TCERG1L: variants seen among roughly 807,000 people sequenced by gnomAD.
TCERG1L encodes the protein transcription elongation regulator 1 like, also known as transcription elongation regulator 1-like protein.
A neutral mutation model predicts 56.3 loss-of-function variants in TCERG1L; 37 were observed. The ratio of observed to expected loss-of-function variants is 0.66; its 90% confidence interval spans 0.51 to 0.87. The LOEUF (loss-of-function observed/expected upper bound fraction) is 0.87, where lower values mean the gene tolerates loss of function less well. TCERG1L is among the 40% of genes least tolerant of loss of function. The probability of loss-of-function intolerance (pLI) is 0.00; values close to 1 mark genes in which losing one functional copy is unlikely to be tolerated. For synonymous variants in TCERG1L, 324 were observed against 326.3 expected (o/e 0.99, Z 0.08); for missense variants, 799 against 774.2 (o/e 1.03, Z -0.38).
At position 131,260,794 on chromosome 10, in the gene TCERG1L, G is replaced by A. The variant is rs1846230480; in HGVS notation, c.671-350C>T. Reference sequence around the variant, plus strand: ...TAAGTACCTAATCAGAAGTGACCATGAACAGCACTCAGTGATTTGGAGCAG... The same window carrying A: ...TAAGTACCTAATCAGAAGTGACCATAAACAGCACTCAGTGATTTGGAGCAG... On this transcript the variant is annotated intron_variant, in intron 3 of 11. Transcript: ENST00000368642. The surrounding 1 kb of genome is among the most constrained non-coding windows in gnomAD (Gnocchi z 5.8). Among the ~76,000 whole-genome samples the A allele has an allele frequency of 6.6e-6, 1 of 152,176 alleles. No individual in the cohort carries two copies. Among genetic ancestry groups the A allele is most frequent in the African/African-American group, 2.4e-5 (1 of 41,450 alleles).
At chr10:131,308,518 A>G in intron 2 of TCERG1L, 127 bp from the exon 3 acceptor site, 1 of 756,716 alleles carries the variant, frequency 1.3e-6, no homozygotes, top group Non-Finnish European at 2.1e-6. Flanking sequence ...TGGGGACTCT[A>G]TAAAACCATC....
chr10:131,306,378 A>G (rs1480365216), intron 3 of TCERG1L, among the ~76,000 whole-genome samples: 2 of 151,990 alleles, frequency 1.3e-5, no homozygotes, highest in Non-Finnish European at 2.9e-5. Flanking sequence ...CCCAAAACAT[A>G]ATTAAAATTG....
chr10:131,218,515 CAG>C (rs1456422889), intron 4 of TCERG1L, among the ~76,000 whole-genome samples: 3 of 146,692 alleles, frequency 2.0e-5, no homozygotes, highest in Admixed American at 6.9e-5. Context: ...TTATTTGAGA[CAG>C]AGTTTCGTTC....
At chr10:131,246,467 A>G (rs1846038616) in intron 4 of TCERG1L, among the ~76,000 whole-genome samples, 1 of 152,134 alleles carries the variant, frequency 6.6e-6, no homozygotes, top group Non-Finnish European at 1.5e-5. Context: ...CAGGCCCCAC[A>G]TGACTGGGAC....
chr10:131,288,735 G>T (rs1846574354), intron 3 of TCERG1L, among the ~76,000 whole-genome samples: 1 of 152,252 alleles, frequency 6.6e-6, no homozygotes, highest in Non-Finnish European at 1.5e-5. Flanking sequence ...GCCACGCAGA[G>T]ACCCACAGAG....
intron 9 of TCERG1L, among the ~76,000 whole-genome samples, chr10:131,112,177 C>G (rs1845418675): frequency 7.0e-6 from 1 of 143,086 alleles, no homozygotes; most frequent in African/African-American, 2.5e-5. Flanking sequence ...TCCCTGGGGC[C>G]TGAGCCCAGG....
chr10:131,115,904 C>A (rs897831140), intron 9 of TCERG1L, among the ~76,000 whole-genome samples: 8 of 152,210 alleles, frequency 5.3e-5, no homozygotes, highest in South Asian at 2.1e-4. Flanking sequence ...GGCAGCTCCA[C>A]CCCTGCCCCC....
chr10:131,136,646 C>T (rs1486001409), intron 7 of TCERG1L, among the ~76,000 whole-genome samples: 2 of 152,062 alleles, frequency 1.3e-5, no homozygotes, highest in Non-Finnish European at 2.9e-5. Context: ...CAGGCACCCG[C>T]CACCACACCA....
In TCERG1L at chr10:131,287,294, C is replaced by T. The variant is rs1301078017; in HGVS notation, c.670+20917G>A. On this transcript the variant is annotated intron_variant, in intron 3 of 11. Transcript: ENST00000368642. ...TCCATACTTATTTTCTTAATAGTCT[C>T]AACACTAACACAGTGATTCTGTATC... is the stretch of plus-strand genomic sequence containing the variant. Among the ~76,000 whole-genome samples, 3 of 152,156 alleles carry T rather than the reference C, an allele frequency of 2.0e-5. No individual in the cohort carries two copies. In the East Asian group the frequency reaches 5.8e-4, roughly 29 times the overall value.
At chr10:131,207,975 A>G (rs1845561254) in intron 4 of TCERG1L, among the ~76,000 whole-genome samples, 1 of 152,230 alleles carries the variant, frequency 6.6e-6, no homozygotes, top group African/African-American at 2.4e-5. Flanking sequence ...GAGGGAGTCA[A>G]GGTTCCCCGA....
intron 4 of TCERG1L, among the ~76,000 whole-genome samples, chr10:131,205,568 T>C (rs1441139533): frequency 6.6e-6 from 1 of 152,206 alleles, no homozygotes; most frequent in Non-Finnish European, 1.5e-5. Flanking sequence ...AAAATGCTTC[T>C]CTTAAGTAGC....
chr10:131,146,663 G>GT lies in TCERG1L; in HGVS notation c.1035-4dup. 1 of 1,606,710 alleles carries GT rather than the reference G, an allele frequency of 6.2e-7. No homozygotes were observed. Among genetic ancestry groups the GT allele is most frequent in the Non-Finnish European group, 8.5e-7 (1 of 1,176,106 alleles). On this transcript the variant is annotated splice_region_variant and splice_polypyrimidine_tract_variant and intron_variant, in intron 6 of 11. Transcript: ENST00000368642. ...CATCGCCCGTCCAGACCACACACCT[G>GT]TTTGAGTGGAAAAACTCATCTCAGT...
chr10:131,118,972 A>T lies in TCERG1L; in HGVS notation c.1260-2038T>A, dbSNP rs1035064375. ...TGTGAAATGTCCTGCAATGCACAGG[A>T]CAGCCCCCACCACGCAGGCTCATGT... is the stretch of plus-strand genomic sequence containing the variant. On this transcript the variant is annotated intron_variant, in intron 8 of 11. Coordinates refer to ENST00000368642, the MANE Select transcript of TCERG1L (RefSeq NM_174937.4). This position sits in a 1 kb window ranked among gnomAD's most constrained non-coding sequence, Gnocchi z 4.2. Among the ~76,000 whole-genome samples, 1 of 152,148 alleles carries T rather than the reference A, an allele frequency of 6.6e-6. No individual in the cohort carries two copies. Among genetic ancestry groups the T allele is most frequent in the Non-Finnish European group, 1.5e-5 (1 of 68,028 alleles).
chr10:131,155,484 A>G (rs1001997483), intron 6 of TCERG1L, among the ~76,000 whole-genome samples: 1 of 152,298 alleles, frequency 6.6e-6, no homozygotes, highest in East Asian at 1.9e-4. Context: ...GTTTCTGCAC[A>G]CAGGTTCAGC....
intron 3 of TCERG1L, among the ~76,000 whole-genome samples, chr10:131,262,609 C>A (rs113871497): frequency 1.3e-5 from 2 of 152,140 alleles, no homozygotes; most frequent in Admixed American, 1.3e-4. Flanking sequence ...TTGGCATCAG[C>A]GTGGTGGGTT....
chr10:131,216,195 G>GT (rs1314791235), intron 4 of TCERG1L, among the ~76,000 whole-genome samples: 2 of 152,220 alleles, frequency 1.3e-5, no homozygotes, highest in Non-Finnish European at 2.9e-5. Context: ...TGGAGATGGA[G>GT]AAATAGAAAA....
At chr10:131,230,595 T>C (rs1402661331) in intron 4 of TCERG1L, among the ~76,000 whole-genome samples, 1 of 152,192 alleles carries the variant, frequency 6.6e-6, no homozygotes, top group Non-Finnish European at 1.5e-5. Context: ...TCAAATCGTA[T>C]CTCAGCTAAG....
chr10:131,099,175 T>G (rs1195167771), intron 10 of TCERG1L, among the ~76,000 whole-genome samples: 1 of 152,120 alleles, frequency 6.6e-6, no homozygotes. Context: ...ACCCTGCTCC[T>G]CAATGGGAGG....
At chr10:131,143,024 A>G (rs1247242125) in intron 7 of TCERG1L, among the ~76,000 whole-genome samples, 1 of 152,140 alleles carries the variant, frequency 6.6e-6, no homozygotes, top group African/African-American at 2.4e-5. Context: ...GGGGGCCAGG[A>G]GTCAAGGAAA....
Sources: allele counts gnomAD v4.1 joint callset (sites outside exome capture counted in the v4.1 genomes callset), GRCh38; gene constraint gnomAD v4.1.1; non-coding constraint Gnocchi (gnomAD v3.1); transcripts MANE v1.5; gene names NCBI Gene and HGNC (gene_info 2026-07-23, HGNC 2026-07-21).